Variants in TIAM2 observed in about 807,000 individuals in gnomAD.
TIAM2 encodes rho guanine nucleotide exchange factor TIAM2.
In TIAM2, 80 loss-of-function variants were observed where a neutral mutation model predicts 152.9. The ratio of observed to expected loss-of-function variants is 0.52; its 90% CI spans 0.44 to 0.63. The LOEUF (loss-of-function observed/expected upper bound fraction) is 0.63. Among genes scored for constraint, TIAM2 ranks in the 30% least tolerant of loss-of-function variants. The pLI is 0.00. For synonymous variants in TIAM2, 804 were observed against 838.0 expected (o/e 0.96, Z 0.70); for missense variants, 1,965 against 2,120.1 (o/e 0.93, Z 1.44).
chr6:155,155,881 G>A (rs1244075743), intron 7 of TIAM2, among the ~76,000 whole-genome samples: 1 of 152,224 alleles, frequency 6.6e-6, no homozygotes, highest in East Asian at 1.9e-4. Flanking sequence ...GAGACTCAAA[G>A]AAGTCACTGT....
chr6:155,069,680 T>C (rs1777790675), intron 1 of TIAM2, among the ~76,000 whole-genome samples: 1 of 152,200 alleles, frequency 6.6e-6, no homozygotes, highest in Non-Finnish European at 1.5e-5. Context: ...TACACTAGTA[T>C]TTTGCATAGC....
At chr6:155,048,564 TC>T (rs1157073079) in intron 1 of TIAM2, among the ~76,000 whole-genome samples, 4 of 115,770 alleles carry the variant, frequency 3.5e-5, no homozygotes, top group Admixed American at 8.6e-5. Context: ...AGAATGGGGG[TC>T]AGGGGTGTCC....
At chr6:155,189,230 A>T (rs942727108) in intron 14 of TIAM2, among the ~76,000 whole-genome samples, 1 of 152,208 alleles carries the variant, frequency 6.6e-6, no homozygotes, top group Non-Finnish European at 1.5e-5. Context: ...GATGACTAAC[A>T]GCATTTAGCT....
intron 2 of TIAM2, among the ~76,000 whole-genome samples, chr6:155,120,000 C>T (rs954038677): frequency 6.6e-6 from 1 of 152,336 alleles, no homozygotes; most frequent in South Asian, 2.1e-4. Flanking sequence ...CAATGGGCCA[C>T]GACCCACGGC....
At chr6:155,106,999 C>T (rs756890959) in intron 2 of TIAM2, among the ~76,000 whole-genome samples, 2 of 152,158 alleles carry the variant, frequency 1.3e-5, no homozygotes. Context: ...GTTTTTAGCT[C>T]TCAACGGCTG....
intron 15 of TIAM2, chr6:155,216,842 A>G: frequency 9.1e-7 from 1 of 1,102,602 alleles, no homozygotes; most frequent in Non-Finnish European, 1.1e-6. Context: ...GGCTCCCGGC[A>G]TGGGTGGAAA....
rs1372390063 is a variant in TIAM2, at chr6:155,218,454, A to G, written c.3168+7147A>G. ...TAAACCTGAATTTGTATTCCCATCC[A>G]CCATGCCTTATCATTATGTGACCTG... On this transcript the variant is annotated intron_variant, in intron 15 of 26. Coordinates refer to ENST00000682666, the MANE Select transcript of TIAM2 (RefSeq NM_012454.4). This position sits in a 1 kb window ranked among gnomAD's most constrained non-coding sequence, Gnocchi z 4.5. Among the ~76,000 whole-genome samples the G allele has an allele frequency of 6.6e-6, 1 of 152,110 alleles. No homozygotes were observed. The highest frequency in any genetic ancestry group is 2.4e-5 in the African/African-American group (1 of 41,434).
At chr6:155,094,233 C>T (rs1183198149) in intron 2 of TIAM2, among the ~76,000 whole-genome samples, 3 of 150,752 alleles carry the variant, frequency 2.0e-5, no homozygotes, top group Non-Finnish European at 4.4e-5. Context: ...TTGGGTCATG[C>T]GTCAGCTGGT....
chr6:155,132,233 T>C (rs1039253254), intron 4 of TIAM2, among the ~76,000 whole-genome samples: 1 of 147,366 alleles, frequency 6.8e-6, no homozygotes, highest in African/African-American at 2.5e-5. Flanking sequence ...TGTGGGCAGT[T>C]AGTCTCTAGC....
chr6:155,109,231 G>A (rs1370169402), intron 2 of TIAM2, among the ~76,000 whole-genome samples: 13 of 152,092 alleles, frequency 8.5e-5, no homozygotes, highest in South Asian at 6.2e-4. Context: ...TGATCCGCCC[G>A]CCTCGGCCTC....
intron 2 of TIAM2, among the ~76,000 whole-genome samples, chr6:155,094,544 G>A (rs1778370793): frequency 9.2e-6 from 1 of 109,248 alleles, no homozygotes; most frequent in African/African-American, 3.4e-5. Context: ...GCTTCACTCA[G>A]ACTTTTTTTT....
chr6:155,254,310 T>A, intron 25 of TIAM2, 109 bp from the exon 26 acceptor site: 1 of 1,446,150 alleles, frequency 6.9e-7, no homozygotes, highest in Admixed American at 2.0e-5. Context: ...GGTGGCTGGC[T>A]GGCAGCCTGG....
intron 5 of TIAM2, among the ~76,000 whole-genome samples, chr6:155,138,632 G>A (rs1779614033): frequency 6.6e-6 from 1 of 152,018 alleles, no homozygotes; most frequent in African/African-American, 2.4e-5. Context: ...TCCCTGCCCT[G>A]TGTCCATGTG....
intron 9 of TIAM2, among the ~76,000 whole-genome samples, chr6:155,165,661 G>A (rs903369635): frequency 1.3e-5 from 2 of 152,136 alleles, no homozygotes; most frequent in Non-Finnish European, 2.9e-5. Flanking sequence ...GGTGGTGTGC[G>A]CCTATAGTCC....
intron 1 of TIAM2, among the ~76,000 whole-genome samples, chr6:155,034,547 G>A (rs188776480): frequency 2.0e-4 from 31 of 152,292 alleles, no homozygotes; most frequent in Admixed American, 1.2e-3. Flanking sequence ...GAGCCAAAGC[G>A]CCTGGCTAGG....
rs147814528 is a variant in TIAM2 at position 155,080,944 on chromosome 6, C to T, written c.-208-9345C>T. Among the ~76,000 whole-genome samples, 6 of 152,186 alleles carry T rather than the reference C, an allele frequency of 3.9e-5. No individual in the cohort carries two copies. In the East Asian group the frequency reaches 5.8e-4, roughly 15 times the overall value. On this transcript the variant is annotated intron_variant, in intron 1 of 26. Transcript: ENST00000682666. ...AAATGAACCTTGCCTGGGATGAGCT[C>T]GATTCTTCTCTGGAGAGGTCTGTAG...
chr6:155,183,348 T>C lies in TIAM2; in HGVS notation c.2912T>C (p.Ile971Thr), dbSNP rs1780956756. Residue 971 changes from isoleucine (I) to threonine (T), a missense_variant, in exon 14 of 27, where the codon ATT becomes ACT. By Grantham distance (89) the Ile-to-Thr change is moderately conservative. Transcript: ENST00000682666. Reference sequence around the variant, plus strand: ...GAGAAGAGCGTCGGACTCACTCTGATTGCCCGGCCTCCGGACACAAAAGCA... The same window carrying C: ...GAGAAGAGCGTCGGACTCACTCTGACTGCCCGGCCTCCGGACACAAAAGCA... ...FSEKSVGLTL[I>T]ARPPDTKATL... 1 of 1,612,606 alleles carries C rather than the reference T, an allele frequency of 6.2e-7. No individual in the cohort carries two copies. Among genetic ancestry groups the C allele is most frequent in the Non-Finnish European group, 8.5e-7 (1 of 1,179,528 alleles).
intron 4 of TIAM2, among the ~76,000 whole-genome samples, chr6:155,133,602 C>T (rs186198731): frequency 2.0e-5 from 3 of 152,254 alleles, no homozygotes; most frequent in Non-Finnish European, 2.9e-5. Context: ...GCAGCATCTT[C>T]CCATTGCCCT....
chr6:155,135,383 C>A (rs562855667), intron 4 of TIAM2, among the ~76,000 whole-genome samples: 22 of 152,132 alleles, frequency 1.4e-4, no homozygotes, highest in Non-Finnish European at 2.5e-4. Flanking sequence ...AGTTTTCCAT[C>A]ATTTTTATTT....
Sources: gnomAD v4.1 joint callset for allele counts (sites outside exome capture counted in the v4.1 genomes callset) on GRCh38, gnomAD v4.1.1 for gene constraint, Gnocchi (gnomAD v3.1) non-coding constraint, MANE v1.5 for transcripts, NCBI Gene and HGNC (gene_info 2026-07-23, HGNC 2026-07-21) for gene names.